The following TFAP2D variants were observed in gnomAD, a reference collection of about 807,000 sequenced individuals.
TFAP2D encodes the protein transcription factor AP-2 delta, also known as transcription factor AP-2-delta.
Under a neutral mutation model 43.6 loss-of-function variants are expected in TFAP2D, and 9 were observed. The ratio of observed to expected loss-of-function variants is 0.21; its 90% CI spans 0.12 to 0.36. The LOEUF (loss-of-function observed/expected upper bound fraction) is 0.36. Among genes scored for constraint, TFAP2D ranks in the 10% least tolerant of loss-of-function variants. The pLI is 1.00. For missense variants in TFAP2D, 513 were observed against 561.4 expected (o/e 0.91, Z 0.87); for synonymous variants, 256 against 224.9 (o/e 1.14, Z -1.24).
intron 3 of TFAP2D, among the ~76,000 whole-genome samples, chr6:50,723,875 C>T (rs1768767555): frequency 6.6e-6 from 1 of 152,134 alleles, no homozygotes; most frequent in African/African-American, 2.4e-5. Flanking sequence ...ACACACCTAC[C>T]GCCACATTAA....
chr6:50,729,595 G>T (rs1768854643), intron 5 of TFAP2D, among the ~76,000 whole-genome samples: 1 of 152,174 alleles, frequency 6.6e-6, no homozygotes, highest in Admixed American at 6.5e-5. Context: ...ACAGCAACAT[G>T]AAATTGGCAG....
At chr6:50,743,807 CATA>C (rs773121232) in intron 5 of TFAP2D, among the ~76,000 whole-genome samples, 57 of 151,984 alleles carry the variant, frequency 3.8e-4, no homozygotes, top group Non-Finnish European at 6.2e-4. Flanking sequence ...ATACTGTCAC[CATA>C]ATAACAACAA....
rs199725626 is a variant in TFAP2D at position 50,716,372 on chromosome 6, G to A, written c.537+759G>A. ...TGCTCTTCCAGCCATTACATTTTAC[G>A]TAAAATGCACCTCCTTAAAAAGATA... On this transcript the variant is annotated intron_variant, in intron 2 of 7. Transcript: ENST00000008391. Among the ~76,000 whole-genome samples the A allele has an allele frequency of 3.3e-5, 5 of 151,782 alleles. No homozygotes were observed. The East Asian group carries it at 5.8e-4, about 18-fold the overall frequency.
In TFAP2D at chr6:50,745,268, C is replaced by T. The variant is rs114627207; in HGVS notation, c.1025+20C>T. The stretch of plus-strand genomic sequence containing the variant: ...GACCAAGTAAGCAGAATGGGGAAAC[C>T]TCTGTGTGCTTTCATCTTCAGTATT... On this transcript the variant is annotated intron_variant, in intron 6 of 7. Coordinates refer to ENST00000008391, the MANE Select transcript of TFAP2D (RefSeq NM_172238.4). 529 of 1,610,244 alleles carry T rather than the reference C, an allele frequency of 3.3e-4. 1 individual carries two copies. In the African/African-American group the frequency reaches 6.6e-3, roughly 20 times the overall value.
At position 50,719,184 on chromosome 6, in the gene TFAP2D, C is replaced by T. The variant is rs756629105; in HGVS notation, c.598+34C>T. On this transcript the variant is annotated intron_variant, in intron 3 of 7. Transcript: ENST00000008391. ...CAAGTAACAACATGTTAACCCTAGA[C>T]ATTCTTCTCCTATCTCTTACTTTGT... 11 of 1,596,586 alleles carry T rather than the reference C, an allele frequency of 6.9e-6. No homozygotes were observed. The Admixed American group carries it at 1.3e-4, about 20-fold the overall frequency.
At chr6:50,715,029 C>T in intron 1 of TFAP2D, 87 bp from the exon 2 acceptor site, 2 of 1,522,700 alleles carry the variant, frequency 1.3e-6, no homozygotes, top group Non-Finnish European at 1.8e-6. Flanking sequence ...CCAGAGAAAG[C>T]TCCTGGCTCC....
At chr6:50,773,032 C>CA (rs112416558) in exon 8 of TFAP2D, 142,205 of 464,294 alleles carry the variant, frequency 0.31, 12,725 homozygotes, top group East Asian at 0.36. Context: ...AGGACAAAAC[C>CA]AAAAAAAAAA....
At chr6:50,723,307 G>T (rs1768759178) in intron 3 of TFAP2D, among the ~76,000 whole-genome samples, 2 of 152,242 alleles carry the variant, frequency 1.3e-5, no homozygotes, top group Admixed American at 6.5e-5. Flanking sequence ...AGGCTGCTTG[G>T]CAGGAGGAAG....
At chr6:50,766,710 G>A (rs868331236) in intron 7 of TFAP2D, among the ~76,000 whole-genome samples, 41 of 123,652 alleles carry the variant, frequency 3.3e-4, no homozygotes, top group African/African-American at 4.7e-4. Context: ...CGCCCAGGCC[G>A]GACTGCGGAC....
chr6:50,743,792 A>G (rs1344016360), intron 5 of TFAP2D, among the ~76,000 whole-genome samples: 2 of 152,002 alleles, frequency 1.3e-5, no homozygotes, highest in African/African-American at 2.4e-5. Context: ...AATATCTTGT[A>G]TTATATACTG....
chr6:50,715,196 T>C lies in TFAP2D; in HGVS notation c.120T>C (p.Tyr40=), dbSNP rs1307065939. 6.2e-7 allele frequency: 1 copy of C among 1,613,904 alleles called. No individual in the cohort carries two copies. Among genetic ancestry groups the C allele is most frequent in the Non-Finnish European group, 8.5e-7 (1 of 1,179,974 alleles). ...CAGTAGCCAATTCCACTGTCGCCTA[T>C]TCCTCCTCCTCTCCTTTAACTTACT... ...LESVANSTVA[Y]SSSSPLTYST... The change falls in exon 2 of 8, where the codon TAT becomes TAC. Residue 40 remains tyrosine (Y), a synonymous_variant. Coordinates refer to ENST00000008391, the MANE Select transcript of TFAP2D (RefSeq NM_172238.4).
chr6:50,755,395 A>G (rs1040521813), intron 7 of TFAP2D, among the ~76,000 whole-genome samples: 4 of 151,144 alleles, frequency 2.6e-5, no homozygotes, highest in Non-Finnish European at 5.9e-5. Flanking sequence ...TATTTCTTAA[A>G]CCTGGCTTTA....
At chr6:50,724,665 G>GT (rs1768780384) in intron 3 of TFAP2D, among the ~76,000 whole-genome samples, 1 of 152,086 alleles carries the variant, frequency 6.6e-6, no homozygotes, top group Admixed American at 6.5e-5. Flanking sequence ...AGCCGCCGCT[G>GT]TTTCCTCTGC....
At chr6:50,757,482 T>C (rs1455570686) in intron 7 of TFAP2D, among the ~76,000 whole-genome samples, 7 of 95,670 alleles carry the variant, frequency 7.3e-5, no homozygotes, top group African/African-American at 3.2e-4. Context: ...AATTATTCTA[T>C]ATATATATAA....
At chr6:50,754,294 T>A (rs1187979961) in intron 7 of TFAP2D, among the ~76,000 whole-genome samples, 1 of 151,898 alleles carries the variant, frequency 6.6e-6, no homozygotes, top group Non-Finnish European at 1.5e-5. Flanking sequence ...TCATAGCATG[T>A]GTCAAAATTT....
intron 7 of TFAP2D, among the ~76,000 whole-genome samples, chr6:50,765,335 G>T (rs1769426152): frequency 6.6e-6 from 1 of 151,846 alleles, no homozygotes; most frequent in South Asian, 2.1e-4. Context: ...ATGGAGTTTA[G>T]ATATCTCTTT....
intron 7 of TFAP2D, among the ~76,000 whole-genome samples, chr6:50,752,770 T>G (rs1242032711): frequency 1.3e-5 from 2 of 151,834 alleles, no homozygotes; most frequent in African/African-American, 2.4e-5. Flanking sequence ...GTAATAAAAC[T>G]GGGGGAAAAT....
intron 5 of TFAP2D, among the ~76,000 whole-genome samples, chr6:50,731,817 G>C (rs948065354): frequency 6.6e-6 from 1 of 151,948 alleles, no homozygotes; most frequent in African/African-American, 2.4e-5. Flanking sequence ...CAGCCAGCAA[G>C]ATGCCATGTT....
chr6:50,770,429 T>C (rs1769510543), intron 7 of TFAP2D, among the ~76,000 whole-genome samples: 1 of 152,144 alleles, frequency 6.6e-6, no homozygotes, highest in Non-Finnish European at 1.5e-5. Flanking sequence ...TTTTTCTTTT[T>C]AATATATGTT....
Sources: allele counts gnomAD v4.1 joint callset (sites outside exome capture counted in the v4.1 genomes callset), GRCh38; gene constraint gnomAD v4.1.1; transcripts MANE v1.5; gene names NCBI Gene and HGNC (gene_info 2026-07-23, HGNC 2026-07-21).